The following TENM4 variants were observed in gnomAD, a reference collection of about 807,000 sequenced individuals.
The protein encoded by TENM4 is teneurin transmembrane protein 4.
Under a neutral mutation model 243.3 loss-of-function variants are expected in TENM4, and 82 were observed. The ratio of observed to expected loss-of-function variants is 0.34; its 90% CI spans 0.28 to 0.40. The LOEUF is 0.40. Ranked by LOEUF, TENM4 falls within the 10% of genes least tolerant of loss-of-function variation. The pLI, the probability that TENM4 is intolerant of heterozygous loss-of-function variation, is 1.00. For synonymous variants in TENM4, 1,412 were observed against 1,456.3 expected, an observed-to-expected ratio of 0.97 and a Z score of 0.69; for missense variants, 3,138 against 3,673.3, an observed-to-expected ratio of 0.85 and a Z score of 3.77.
At chr11:79,059,379 A>G (rs1860029579) in intron 6 of TENM4, among the ~76,000 whole-genome samples, 1 of 152,176 alleles carries the variant, frequency 6.6e-6, no homozygotes. Flanking sequence ...CATGCATAAC[A>G]TGAGTGGAAT....
At chr11:78,879,579 C>T (rs75994402) in intron 9 of TENM4, among the ~76,000 whole-genome samples, 2 of 133,832 alleles carry the variant, frequency 1.5e-5, no homozygotes, top group East Asian at 2.3e-4. Flanking sequence ...TCCACACGGC[C>T]GCCCTGTCTG....
Position 79,341,264 on chromosome 11 carries a change from C to T in TENM4, c.-320-43721G>A, listed in dbSNP as rs542854104. ...AGTTTGTGGGAATGTGTCATAGCAGCGATGGGAAACTGAGATCTGTCAGCA... is the reference window on the plus strand; with the variant it reads ...AGTTTGTGGGAATGTGTCATAGCAGTGATGGGAAACTGAGATCTGTCAGCA... On this transcript the variant is annotated intron_variant, in intron 1 of 33. Transcript: ENST00000278550. Among the ~76,000 whole-genome samples, 115 of 152,292 alleles carry T rather than the reference C, an allele frequency of 7.6e-4. 2 individuals carry two copies. In the South Asian group the frequency reaches 0.022, roughly 30 times the overall value.
chr11:79,118,378 T>A (rs778754796), intron 4 of TENM4, among the ~76,000 whole-genome samples: 2 of 152,222 alleles, frequency 1.3e-5, no homozygotes, highest in Non-Finnish European at 2.9e-5. Context: ...AATCCCCTTT[T>A]AAAACATTGA....
intron 4 of TENM4, among the ~76,000 whole-genome samples, chr11:79,087,626 T>C (rs1325892006): frequency 1.3e-5 from 2 of 152,208 alleles, no homozygotes; most frequent in African/African-American, 4.8e-5. Flanking sequence ...GCATGTTCCT[T>C]AGTGAGGGAT....
intron 4 of TENM4, chr11:79,097,741 T>C (rs1451797262): frequency 6.6e-6 from 1 of 151,892 alleles, no homozygotes; most frequent in African/African-American, 2.4e-5. Flanking sequence ...TGAATCCGTC[T>C]CAACACCATT....
intron 3 of TENM4, among the ~76,000 whole-genome samples, chr11:79,203,415 A>C (rs1212608412): frequency 6.6e-6 from 1 of 152,256 alleles, no homozygotes; most frequent in African/African-American, 2.4e-5. Flanking sequence ...CACACAATGG[A>C]ATATTGTAGT....
intron 2 of TENM4, among the ~76,000 whole-genome samples, chr11:79,239,673 C>T (rs1864551331): frequency 6.6e-6 from 1 of 152,166 alleles, no homozygotes; most frequent in South Asian, 2.1e-4. Context: ...CAGTCGTTTG[C>T]TACTAATAAT....
At chr11:78,808,483 C>T (rs1326012082) in intron 14 of TENM4, among the ~76,000 whole-genome samples, 1 of 152,194 alleles carries the variant, frequency 6.6e-6, no homozygotes, top group Non-Finnish European at 1.5e-5. Flanking sequence ...GTTCATTTGA[C>T]AGCTGAGGAA....
intron 3 of TENM4, among the ~76,000 whole-genome samples, chr11:79,189,829 T>G (rs1457300755): frequency 6.6e-6 from 1 of 152,170 alleles, no homozygotes; most frequent in Non-Finnish European, 1.5e-5. Flanking sequence ...TCCTGCTGGT[T>G]TTGCCAACTC....
chr11:78,668,143 C>A (rs1858205666), intron 32 of TENM4, among the ~76,000 whole-genome samples: 1 of 152,208 alleles, frequency 6.6e-6, no homozygotes. Context: ...CCCTTGCAAC[C>A]ACCCTACCAG....
intron 4 of TENM4, among the ~76,000 whole-genome samples, chr11:79,141,490 C>T (rs143163766): frequency 2.2e-3 from 335 of 152,104 alleles, no homozygotes; most frequent in African/African-American, 7.5e-3. Flanking sequence ...GAGACTGAAG[C>T]CATAATAAAA....
chr11:78,805,277 T>TGCCCCCCCCACCCCCCCCCCC lies in TENM4; in HGVS notation c.2179+14_2179+15insGGGGGGGGGGGTGGGGGGGGC. 4.3e-6 allele frequency: 6 copies of TGCCCCCCCCACCCCCCCCCCC among 1,402,544 alleles called. No homozygotes were observed. The highest frequency in any genetic ancestry group is 4.8e-6 in the Non-Finnish European group (5 of 1,033,110). The allele number at this position is 1,402,544 out of a possible 1,614,324, so 86.9% of individuals were successfully genotyped here. A position where few individuals can be genotyped will look rare whatever the true frequency, so the allele number is the denominator to read the frequency against. On this transcript the variant is annotated intron_variant, in intron 15 of 33. Transcript: ENST00000278550. ...CCCCTCCCTCTACCCATGCTTCTTC[T>TGCCCCCCCCACCCCCCCCCCC]CCCCCTGCATTTACCGATAGAACAG...
chr11:78,754,923 T>G (rs1039724841), intron 19 of TENM4, among the ~76,000 whole-genome samples: 5 of 152,208 alleles, frequency 3.3e-5, no homozygotes, highest in African/African-American at 1.2e-4. Flanking sequence ...TCATCTCACC[T>G]TTCTCATCTC....
chr11:79,314,900 T>C (rs1245825776), intron 1 of TENM4, among the ~76,000 whole-genome samples: 1 of 152,206 alleles, frequency 6.6e-6, no homozygotes, highest in African/African-American at 2.4e-5. Context: ...TGGGTTTCAG[T>C]ATTTGGCAGA....
chr11:79,129,445 C>T (rs1861952748), intron 4 of TENM4, among the ~76,000 whole-genome samples: 1 of 152,168 alleles, frequency 6.6e-6, no homozygotes, highest in South Asian at 2.1e-4. Flanking sequence ...AAGCCCTTTT[C>T]TTTTGCAGCT....
chr11:78,759,016 T>C (rs1312938401), intron 18 of TENM4, among the ~76,000 whole-genome samples: 2 of 152,220 alleles, frequency 1.3e-5, no homozygotes, highest in East Asian at 3.9e-4. Flanking sequence ...CATGGTATCA[T>C]AGTGCTTAAT....
At position 78,669,356 on chromosome 11, in the gene TENM4, G is replaced by C; in HGVS notation, c.6989C>G (p.Ser2330Cys). 6.2e-7 allele frequency: 1 copy of C among 1,613,810 alleles called. No individual in the cohort carries two copies. Among genetic ancestry groups the C allele is most frequent in the Non-Finnish European group, 8.5e-7 (1 of 1,179,780 alleles). ...GTAGAGGGAGGTGATCTCAGAGCTG[G>C]AGTGGTTGTACAGGTGGGTGACCTT... ...PTKVTHLYNH[S>C]SSEITSLYYD... The change falls in exon 32 of 34, where the codon TCC (serine) becomes TGC (cysteine). Residue 2330 changes from serine (S) to cysteine (C), a missense_variant. Transcript: ENST00000278550. The surrounding 1 kb of genome is among the most constrained non-coding windows in gnomAD (Gnocchi z 6.4).
At chr11:79,349,194 A>G (rs1857376012) in intron 1 of TENM4, among the ~76,000 whole-genome samples, 1 of 152,180 alleles carries the variant, frequency 6.6e-6, no homozygotes, top group African/African-American at 2.4e-5. Context: ...TTGTCACCCC[A>G]TTTACCTGGT....
chr11:78,888,198 C>G (rs1855586555), intron 9 of TENM4, among the ~76,000 whole-genome samples: 1 of 152,216 alleles, frequency 6.6e-6, no homozygotes, highest in African/African-American at 2.4e-5. Flanking sequence ...GACATGTCAT[C>G]AATATTCTCC....
Sources: gnomAD v4.1 joint callset for allele counts (sites outside exome capture counted in the v4.1 genomes callset) on GRCh38, gnomAD v4.1.1 for gene constraint, Gnocchi (gnomAD v3.1) non-coding constraint, MANE v1.5 for transcripts, NCBI Gene and HGNC (gene_info 2026-07-23, HGNC 2026-07-21) for gene names.